ITGA8: variants seen among roughly 807,000 people sequenced by gnomAD.
ITGA8 encodes integrin alpha-8.
ITGA8 carries 91 observed loss-of-function variants against 142.3 expected under a neutral mutation model. The observed-to-expected ratio is 0.64, with a 90% confidence interval of 0.54 to 0.76. The LOEUF (loss-of-function observed/expected upper bound fraction) is 0.76, where lower values mean the gene tolerates loss of function less well. Ranked by LOEUF, ITGA8 falls within the 30% of genes least tolerant of loss-of-function variation. The pLI is 0.00. For synonymous variants in ITGA8, 505 were observed against 485.2 expected (o/e 1.04, Z -0.54); for missense variants, 1,406 against 1,327.7 (o/e 1.06, Z -0.92).
chr10:15,552,642 G>A (rs974696390), intron 26 of ITGA8, among the ~76,000 whole-genome samples: 1 of 152,076 alleles, frequency 6.6e-6, no homozygotes, highest in Non-Finnish European at 1.5e-5. Context: ...CTATCAACCC[G>A]TCATCTACAT....
At chr10:15,624,017 A>G (rs1224344795) in intron 13 of ITGA8, among the ~76,000 whole-genome samples, 1 of 152,044 alleles carries the variant, frequency 6.6e-6, no homozygotes, top group Admixed American at 6.5e-5. Flanking sequence ...CCAGGAGTTC[A>G]TTTTTTTACT....
intron 21 of ITGA8, among the ~76,000 whole-genome samples, chr10:15,595,655 T>C (rs1159455467): frequency 2.0e-5 from 3 of 152,246 alleles, no homozygotes; most frequent in Admixed American, 6.5e-5. Flanking sequence ...CTGGTCTAGC[T>C]GTAACACTTC....
intron 22 of ITGA8, 52 bp downstream of exon 22, chr10:15,592,173 G>T: frequency 7.5e-7 from 1 of 1,332,604 alleles, no homozygotes; most frequent in Non-Finnish European, 1.1e-6. Context: ...TTTCACTGTG[G>T]ATCTCTTTTC....
At position 15,604,201 on chromosome 10, in the gene ITGA8, G is replaced by A. The variant is rs759371621; in HGVS notation, c.2118+7C>T. 1.2e-6 allele frequency: 2 copies of A among 1,604,404 alleles called. No homozygotes were observed. The highest frequency in any genetic ancestry group is 1.7e-4 in the Middle Eastern group (1 of 6,024). ...GCTCTTGACTTCAAACAATTTGCAGGCATTACCTTGTTGTTGCGTTCGATT... is the reference window on the plus strand; with the variant it reads ...GCTCTTGACTTCAAACAATTTGCAGACATTACCTTGTTGTTGCGTTCGATT... On this transcript the variant is annotated splice_region_variant and intron_variant, in intron 20 of 29. Coordinates refer to ENST00000378076, the MANE Select transcript of ITGA8 (RefSeq NM_003638.3).
chr10:15,615,634 C>T (rs1003507115), intron 14 of ITGA8, among the ~76,000 whole-genome samples: 1 of 152,198 alleles, frequency 6.6e-6, no homozygotes, highest in African/African-American at 2.4e-5. Context: ...ATGCCTCAGC[C>T]TCCCGAGTAG....
chr10:15,656,375 A>ATTTT (rs1351799297), intron 10 of ITGA8, among the ~76,000 whole-genome samples: 2 of 151,282 alleles, frequency 1.3e-5, no homozygotes, highest in African/African-American at 4.9e-5. Flanking sequence ...TTATTTATTT[A>ATTTT]TTTTTTGAGA....
rs185247341 is a variant in ITGA8, at chr10:15,656,355, T to A, written c.949-949A>T. ...ACAGTGTACCATAGTCTCCCCACTT[T>A]TTTATTTATTTATTTATTTATTTTT... On this transcript the variant is annotated intron_variant, in intron 10 of 29. Transcript: ENST00000378076. Among the ~76,000 whole-genome samples, 35 of 152,014 alleles carry A rather than the reference T, an allele frequency of 2.3e-4. No homozygotes were observed. The East Asian group carries it at 4.7e-3, about 20-fold the overall frequency.
chr10:15,661,946 A>G (rs11592520), intron 8 of ITGA8, among the ~76,000 whole-genome samples: 37,276 of 152,006 alleles, frequency 0.25, 4,832 homozygotes, highest in Admixed American at 0.33. Flanking sequence ...ACAAACCACA[A>G]TCAGATATAA....
chr10:15,716,079 C>G (rs2131743667), intron 2 of ITGA8, among the ~76,000 whole-genome samples: 1 of 152,356 alleles, frequency 6.6e-6, no homozygotes, highest in South Asian at 2.1e-4. Context: ...TGGGACCTCC[C>G]TGTCTTTCAC....
chr10:15,526,522 A>G (rs946870573), intron 28 of ITGA8, among the ~76,000 whole-genome samples: 2 of 152,172 alleles, frequency 1.3e-5, no homozygotes, highest in African/African-American at 4.8e-5. Context: ...GGCAGAAGAC[A>G]AAGCATATTT....
intron 25 of ITGA8, among the ~76,000 whole-genome samples, chr10:15,560,574 A>G (rs1833956968): frequency 6.6e-6 from 1 of 152,228 alleles, no homozygotes; most frequent in African/African-American, 2.4e-5. Flanking sequence ...CTTTGTAGGC[A>G]TATACAGGTT....
intron 26 of ITGA8, among the ~76,000 whole-genome samples, chr10:15,550,429 C>A (rs1833773737): frequency 6.6e-6 from 1 of 152,188 alleles, no homozygotes; most frequent in Non-Finnish European, 1.5e-5. Context: ...TGCTGTGTAC[C>A]ACTAACCCTG....
At chr10:15,646,472 A>C (rs959902829) in intron 12 of ITGA8, among the ~76,000 whole-genome samples, 5 of 152,162 alleles carry the variant, frequency 3.3e-5, no homozygotes, top group African/African-American at 1.2e-4. Flanking sequence ...CTGAGGTAGT[A>C]TGGTTTTGAC....
At chr10:15,615,925 G>A (rs756631285) in intron 14 of ITGA8, among the ~76,000 whole-genome samples, 5 of 152,126 alleles carry the variant, frequency 3.3e-5, no homozygotes, top group South Asian at 2.1e-4. Flanking sequence ...CAAAGGTAAC[G>A]TTATAAATGT....
At chr10:15,710,656 C>T (rs1173615729) in intron 2 of ITGA8, among the ~76,000 whole-genome samples, 2 of 152,112 alleles carry the variant, frequency 1.3e-5, no homozygotes, top group East Asian at 3.9e-4. Flanking sequence ...TGCTGTGTGG[C>T]ACTGTGACAA....
intron 25 of ITGA8, among the ~76,000 whole-genome samples, chr10:15,568,511 T>C (rs1015013907): frequency 6.6e-6 from 1 of 152,234 alleles, no homozygotes; most frequent in Non-Finnish European, 1.5e-5. Context: ...AAAAAATACC[T>C]GAACCTTGTT....
At chr10:15,669,374 T>A (rs1365437600) in intron 8 of ITGA8, among the ~76,000 whole-genome samples, 4 of 152,228 alleles carry the variant, frequency 2.6e-5, no homozygotes, top group Non-Finnish European at 5.9e-5. Flanking sequence ...CTCCATCAGG[T>A]CCTTTAAGGA....
intron 27 of ITGA8, among the ~76,000 whole-genome samples, chr10:15,536,770 C>G (rs946554996): frequency 6.6e-6 from 1 of 152,190 alleles, no homozygotes; most frequent in Admixed American, 6.5e-5. Flanking sequence ...CTGGCTGTCT[C>G]TATCATGCAC....
At chr10:15,546,773 GAC>G (rs1833679208) in intron 27 of ITGA8, among the ~76,000 whole-genome samples, 1 of 146,234 alleles carries the variant, frequency 6.8e-6, no homozygotes, top group Admixed American at 7.0e-5. Flanking sequence ...AAAGAAAAGA[GAC>G]ACAGAAAAAG....
Sources: gnomAD v4.1 joint callset for allele counts (sites outside exome capture counted in the v4.1 genomes callset) on GRCh38, gnomAD v4.1.1 for gene constraint, MANE v1.5 for transcripts, NCBI Gene and HGNC (gene_info 2026-07-23, HGNC 2026-07-21) for gene names.